GLB1: variants seen among roughly 807,000 people sequenced by gnomAD.
GLB1 encodes beta-galactosidase.
GLB1 carries 56 observed loss-of-function variants against 74.0 expected under a neutral mutation model. That is an observed-to-expected ratio of 0.76 (90% confidence interval 0.61 to 0.94). GLB1 has a LOEUF of 0.94. Ranked by LOEUF, GLB1 falls within the 40% of genes least tolerant of loss-of-function variation. The pLI, the probability that GLB1 is intolerant of heterozygous loss-of-function variation, is 0.00. For missense variants in GLB1, 787 were observed against 845.5 expected (o/e 0.93, Z 0.86); for synonymous variants, 323 against 323.6 (o/e 1.00, Z 0.02).
Position 33,074,389 on chromosome 3 carries a change from G to GAAGA in GLB1, c.76-1680_76-1677dup, listed in dbSNP as rs773964882. 2.9e-3 allele frequency among the ~76,000 whole-genome samples: 114 copies of GAAGA among 38,914 alleles called. 19 individuals are homozygous for GAAGA. Among genetic ancestry groups the GAAGA allele is most frequent in the African/African-American group, 0.012 (112 of 9,430 alleles). The allele number at this position is 38,914 out of a possible 152,430, so 25.5% of individuals were successfully genotyped here. A position where few individuals can be genotyped will look rare whatever the true frequency, so the allele number is the denominator to read the frequency against. Reference sequence around the variant, plus strand: ...GGAAGGAAGGAAGGAAGGAAGGAAGGAAGAAAGAAAGAAAGAAAGAATATT... The same window carrying GAAGA: ...GGAAGGAAGGAAGGAAGGAAGGAAGGAAGAAAGAAAGAAAGAAAGAAAGAATATT... On this transcript the variant is annotated intron_variant, in intron 1 of 15. Transcript: ENST00000307363.
At chr3:33,022,593 T>C (rs1305024091) in intron 11 of GLB1, among the ~76,000 whole-genome samples, 2 of 136,450 alleles carry the variant, frequency 1.5e-5, no homozygotes, top group African/African-American at 5.3e-5. Flanking sequence ...TGAGAGAGTC[T>C]CACTCTGTCA....
chr3:33,065,658 A>C, intron 4 of GLB1, 101 bp from the exon 5 acceptor site: 1 of 1,389,790 alleles, frequency 7.2e-7, no homozygotes, highest in East Asian at 2.5e-5. Context: ...CAAATTCGTA[A>C]ACTTTTTAAA....
At chr3:33,009,425 G>C (rs1243158345) in intron 15 of GLB1, among the ~76,000 whole-genome samples, 1 of 151,970 alleles carries the variant, frequency 6.6e-6, no homozygotes, top group Non-Finnish European at 1.5e-5. Context: ...GAGAGGCTGA[G>C]ACAGGAGGAT....
rs1696345256 is a variant in GLB1, at chr3:32,997,244, G to A, written c.1835C>T (p.Ala612Val). The change falls in exon 16 of 16, where the codon GCC becomes GTC. Residue 612 changes from alanine (A) to valine (V), a missense_variant. By Grantham distance (64) the Ala-to-Val change is moderately conservative. Transcript: ENST00000307363. ...TTCCAGCACGGTGATGGTGTTTGGG[G>A]CCGAGGTCATCAGGATGTGCTGGGG... ...FVPQHILMTS[A>V]PNTITVLELE... 2 of 1,614,218 alleles carry A rather than the reference G, an allele frequency of 1.2e-6. No individual in the cohort carries two copies. The highest frequency in any genetic ancestry group is 1.7e-6 in the Non-Finnish European group (2 of 1,180,050).
intron 9 of GLB1, among the ~76,000 whole-genome samples, chr3:33,049,899 G>C (rs971737904): frequency 5.3e-5 from 8 of 152,114 alleles, no homozygotes; most frequent in African/African-American, 1.9e-4. Context: ...TGTAAGCGAT[G>C]TCTTCTCCTA....
At chr3:33,094,647 AGCCATTACT>A (rs1700926563) in intron 1 of GLB1, among the ~76,000 whole-genome samples, 1 of 150,016 alleles carries the variant, frequency 6.7e-6, no homozygotes, top group African/African-American at 2.5e-5. Flanking sequence ...TATAATTCCA[AGCCATTACT>A]GCCTTTTCCA....
chr3:32,981,813 A>C, the GLB1 span, among the ~76,000 whole-genome samples: 1 of 152,108 alleles, frequency 6.6e-6, no homozygotes, highest in African/African-American at 2.4e-5. Context: ...ATACTAACAA[A>C]GTTACGTCAG....
chr3:33,088,277 GA>G (rs1327534481), intron 1 of GLB1, among the ~76,000 whole-genome samples: 14 of 151,598 alleles, frequency 9.2e-5, no homozygotes, highest in Non-Finnish European at 2.1e-4. Context: ...AACTAGGCAA[GA>G]AAGAAATAAA....
intron 5 of GLB1, among the ~76,000 whole-genome samples, chr3:33,062,094 G>C (rs962991775): frequency 2.0e-5 from 3 of 152,292 alleles, no homozygotes; most frequent in Admixed American, 2.0e-4. Context: ...CCAGCATCAA[G>C]AATTGAGGAA....
chr3:32,993,751 G>T (rs1696263051), downstream of GLB1, among the ~76,000 whole-genome samples: 1 of 151,822 alleles, frequency 6.6e-6, no homozygotes, highest in Non-Finnish European at 1.5e-5. Context: ...GGCCAGGCTG[G>T]TCTCGAACTC....
intron 9 of GLB1, among the ~76,000 whole-genome samples, chr3:33,046,479 T>A (rs1341305563): frequency 6.6e-6 from 1 of 152,036 alleles, no homozygotes; most frequent in Non-Finnish European, 1.5e-5. Context: ...CTACAGAAGC[T>A]CACAGCTGTG....
chr3:33,045,434 C>G (rs1160028590), intron 10 of GLB1: 1 of 985,164 alleles, frequency 1.0e-6, no homozygotes, highest in East Asian at 1.1e-4. Context: ...TGTCCAGGTT[C>G]AAAATCTGGT....
At chr3:33,096,839 A>C in intron 1 of GLB1, 172 bp downstream of exon 1, 1 of 1,361,438 alleles carries the variant, frequency 7.3e-7, no homozygotes, top group Non-Finnish European at 9.5e-7. Flanking sequence ...CCCGCCCCCG[A>C]CGGGAAGGCC....
chr3:33,022,258 G>C (rs1697521078), intron 11 of GLB1, among the ~76,000 whole-genome samples: 1 of 152,062 alleles, frequency 6.6e-6, no homozygotes, highest in Non-Finnish European at 1.5e-5. Flanking sequence ...TAAATGCCTG[G>C]TAAGTATTTA....
chr3:33,088,156 T>C (rs1394101241), intron 1 of GLB1, among the ~76,000 whole-genome samples: 1 of 152,108 alleles, frequency 6.6e-6, no homozygotes, highest in African/African-American at 2.4e-5. Flanking sequence ...ATAGCTAACA[T>C]CATATTCAAT....
chr3:33,060,144 G>A (rs6786613), intron 5 of GLB1, among the ~76,000 whole-genome samples: 148,219 of 152,304 alleles, frequency 0.97, 72,232 homozygotes, highest in East Asian at 1. Context: ...TGCTGCCGTC[G>A]TTATCTGCAC....
chr3:33,096,989 T>C, intron 1 of GLB1, 22 bp downstream of exon 1: 3 of 1,610,080 alleles, frequency 1.9e-6, no homozygotes, highest in Non-Finnish European at 1.7e-6. Context: ...TGCCTCCCCG[T>C]ACCCGGGTCC....
At chr3:32,976,489 A>G in the GLB1 span, among the ~76,000 whole-genome samples, 1 of 152,180 alleles carries the variant, frequency 6.6e-6, no homozygotes, top group Non-Finnish European at 1.5e-5. Context: ...TTCCTCCCCA[A>G]GCTTGACATT....
At chr3:33,062,577 C>G (rs950094653) in intron 5 of GLB1, among the ~76,000 whole-genome samples, 3 of 152,142 alleles carry the variant, frequency 2.0e-5, no homozygotes, top group Admixed American at 2.0e-4. Context: ...ATCATGAGGT[C>G]AAGAGATTGA....
Sources: gnomAD v4.1 joint callset for allele counts (sites outside exome capture counted in the v4.1 genomes callset) on GRCh38, gnomAD v4.1.1 for gene constraint, MANE v1.5 for transcripts, NCBI Gene and HGNC (gene_info 2026-07-23, HGNC 2026-07-21) for gene names.